Variants in PTCHD4 observed in about 807,000 individuals in gnomAD.
PTCHD4 encodes the protein patched domain-containing protein 4.
In PTCHD4, 33 loss-of-function variants were observed where a neutral mutation model predicts 58.1. The ratio of observed to expected loss-of-function variants is 0.57; its 90% CI spans 0.43 to 0.76. PTCHD4 has a LOEUF of 0.76. PTCHD4 is among the 30% of genes least tolerant of loss of function. PTCHD4 has a pLI of 0.00. For missense variants in PTCHD4, 1,058 were observed against 1,027.1 expected (o/e 1.03, Z -0.41); for synonymous variants, 478 against 409.6 (o/e 1.17, Z -2.02).
At chr6:48,108,590 T>G (rs1582148534) in intron 1 of PTCHD4, among the ~76,000 whole-genome samples, 1 of 151,588 alleles carries the variant, frequency 6.6e-6, no homozygotes, top group South Asian at 2.1e-4. Context: ...TATCCTAAAA[T>G]TTAAAGTATA....
intron 4 of PTCHD4, among the ~76,000 whole-genome samples, chr6:48,005,794 G>T (rs558457212): frequency 6.6e-6 from 1 of 152,120 alleles, no homozygotes; most frequent in Middle Eastern, 3.2e-3. Flanking sequence ...GAAACAAATT[G>T]TATTTTGAAA....
intron 4 of PTCHD4, among the ~76,000 whole-genome samples, chr6:47,886,890 C>T (rs958457425): frequency 6.6e-6 from 1 of 152,188 alleles, no homozygotes; most frequent in Admixed American, 6.6e-5. Context: ...CCGCATTCCA[C>T]CAACTTAGAC....
chr6:48,066,833 C>T (rs1358522759), intron 3 of PTCHD4, among the ~76,000 whole-genome samples: 1 of 151,210 alleles, frequency 6.6e-6, no homozygotes, highest in Non-Finnish European at 1.5e-5. Context: ...TAAGGTTTCC[C>T]TGAAGAATCT....
At chr6:48,015,386 T>G (rs1762833301) in intron 3 of PTCHD4, among the ~76,000 whole-genome samples, 1 of 152,048 alleles carries the variant, frequency 6.6e-6, no homozygotes, top group Non-Finnish European at 1.5e-5. Context: ...CAGATGCCTC[T>G]TGCCAGGCTT....
At chr6:47,932,275 A>G (rs1765848927) in intron 4 of PTCHD4, among the ~76,000 whole-genome samples, 1 of 152,122 alleles carries the variant, frequency 6.6e-6, no homozygotes, top group Non-Finnish European at 1.5e-5. Context: ...GATTGCTGGG[A>G]GGATTTAGCA....
rs1285054790 is a variant in PTCHD4, at chr6:47,875,517, A to G, written c.*2786T>C. ...TAGGTGGTATATTAACTCTTCCAGA[A>G]CAAATAATTCCATTTCAGTAAATTA... On this transcript the variant is annotated 3_prime_UTR_variant, in exon 5 of 5. Coordinates refer to ENST00000339488, the MANE Select transcript of PTCHD4 (RefSeq NM_001384253.1). Among the ~76,000 whole-genome samples, 1 of 151,870 alleles carries G rather than the reference A, an allele frequency of 6.6e-6. No individual in the cohort carries two copies. The highest frequency in any genetic ancestry group is 1.5e-5 in the Non-Finnish European group (1 of 67,868).
At chr6:47,889,892 T>G (rs936353075) in intron 4 of PTCHD4, among the ~76,000 whole-genome samples, 2 of 151,964 alleles carry the variant, frequency 1.3e-5, no homozygotes, top group African/African-American at 2.4e-5. Flanking sequence ...CACAGCAAAA[T>G]AAACTACCAT....
intron 1 of PTCHD4, among the ~76,000 whole-genome samples, chr6:48,091,341 G>T (rs962821833): frequency 4.6e-5 from 7 of 152,072 alleles, no homozygotes; most frequent in African/African-American, 1.4e-4. Flanking sequence ...GCTCATAGTA[G>T]TAGTATTCAA....
chr6:47,986,704 C>A (rs1382112401), intron 4 of PTCHD4, among the ~76,000 whole-genome samples: 2 of 152,198 alleles, frequency 1.3e-5, no homozygotes, highest in African/African-American at 4.8e-5. Context: ...TCTAATCAAG[C>A]TCCTCCCCAG....
rs970837456 is a variant in PTCHD4, at chr6:47,859,311, C to T, written c.*18992G>A. On this transcript the variant is annotated 3_prime_UTR_variant, in exon 5 of 5. Transcript: ENST00000339488. ...GATACGAGCACAGTCCCTGCTCTGC[C>T]AAAGGAAACCATGTCTTTTGTTAAA... 3.3e-5 allele frequency among the ~76,000 whole-genome samples: 5 copies of T among 151,924 alleles called. No individual in the cohort carries two copies. Among genetic ancestry groups the T allele is most frequent in the African/African-American group, 1.2e-4 (5 of 41,384 alleles).
intron 4 of PTCHD4, among the ~76,000 whole-genome samples, chr6:48,001,316 A>C (rs1242796872): frequency 6.6e-6 from 1 of 152,240 alleles, no homozygotes; most frequent in African/African-American, 2.4e-5. Flanking sequence ...CTAAGCCAAA[A>C]GAACGAAGCT....
At chr6:48,017,660 T>A (rs1762912616) in intron 3 of PTCHD4, among the ~76,000 whole-genome samples, 1 of 152,188 alleles carries the variant, frequency 6.6e-6, no homozygotes, top group Admixed American at 6.5e-5. Context: ...GAAGAAGTGC[T>A]ATACTGGAGT....
At chr6:47,979,877 C>T (rs954522295) in intron 4 of PTCHD4, among the ~76,000 whole-genome samples, 8 of 151,966 alleles carry the variant, frequency 5.3e-5, no homozygotes, top group Non-Finnish European at 1.0e-4. Flanking sequence ...TCATATAGTT[C>T]TTTTTGCTGT....
chr6:48,100,925 G>T (rs567163717), intron 1 of PTCHD4, among the ~76,000 whole-genome samples: 2 of 152,028 alleles, frequency 1.3e-5, no homozygotes, highest in African/African-American at 4.8e-5. Context: ...TACCATGTTT[G>T]TTTCATTATG....
chr6:47,892,305 A>T (rs1220203989), intron 4 of PTCHD4, among the ~76,000 whole-genome samples: 1 of 152,234 alleles, frequency 6.6e-6, no homozygotes, highest in African/African-American at 2.4e-5. Flanking sequence ...AAAGAAAATA[A>T]TAAATACAAG....
intron 1 of PTCHD4, among the ~76,000 whole-genome samples, chr6:48,108,812 GAAC>G (rs1331536901): frequency 2.6e-5 from 4 of 151,134 alleles, no homozygotes; most frequent in Admixed American, 6.6e-5. Context: ...ATAATACAGA[GAAC>G]AACAACAACA....
At position 47,858,841 on chromosome 6, in the gene PTCHD4, T is replaced by A. The variant is rs2114052959; in HGVS notation, c.*19462A>T. On this transcript the variant is annotated 3_prime_UTR_variant, in exon 5 of 5. Transcript: ENST00000339488. ...CAGCAAATGTCACATTTGTACAGAA[T>A]ATGCTTCCTATAATCCTTCTTGAAT... 6.6e-6 allele frequency among the ~76,000 whole-genome samples: 1 copy of A among 152,196 alleles called. No individual in the cohort carries two copies. Among genetic ancestry groups the A allele is most frequent in the South Asian group, 2.1e-4 (1 of 4,828 alleles).
At chr6:48,106,389 C>A (rs1269039482) in intron 1 of PTCHD4, among the ~76,000 whole-genome samples, 2 of 152,138 alleles carry the variant, frequency 1.3e-5, no homozygotes, top group Non-Finnish European at 2.9e-5. Context: ...AGACCTTTGA[C>A]AAAATTCAAC....
chr6:47,914,626 A>T (rs1423958869), intron 4 of PTCHD4, among the ~76,000 whole-genome samples: 1 of 149,742 alleles, frequency 6.7e-6, no homozygotes, highest in Non-Finnish European at 1.5e-5. Flanking sequence ...ATTAGTATTA[A>T]TATAATATTA....
Sources: allele counts gnomAD v4.1 joint callset (sites outside exome capture counted in the v4.1 genomes callset), GRCh38; gene constraint gnomAD v4.1.1; transcripts MANE v1.5; gene names NCBI Gene and HGNC (gene_info 2026-07-23, HGNC 2026-07-21).